The following CADM2 variants were observed in gnomAD, a reference collection of about 807,000 sequenced individuals.
CADM2 encodes the protein immunoglobulin superfamily member 4D.
CADM2 carries 12 observed loss-of-function variants against 49.8 expected under a neutral mutation model. The observed-to-expected ratio is 0.24, with a 90% confidence interval of 0.15 to 0.39. The LOEUF is 0.39. CADM2 is among the 10% of genes least tolerant of loss of function. The pLI is 1.00. For synonymous variants in CADM2, 214 were observed against 175.4 expected, an observed-to-expected ratio of 1.22 and a Z score of -1.74; for missense variants, 378 against 492.3, an observed-to-expected ratio of 0.77 and a Z score of 2.20.
At chr3:85,362,481 A>G (rs2107283894) in intron 1 of CADM2, among the ~76,000 whole-genome samples, 1 of 152,322 alleles carries the variant, frequency 6.6e-6, no homozygotes, top group African/African-American at 2.4e-5. Flanking sequence ...CAGGTGCTAT[A>G]TAAACACATC....
intron 1 of CADM2, among the ~76,000 whole-genome samples, chr3:85,415,943 T>A (rs1263489916): frequency 3.3e-5 from 5 of 152,170 alleles, no homozygotes; most frequent in Admixed American, 3.3e-4. Context: ...ACTGTGACAT[T>A]TCATGGTAGA....
chr3:85,525,052 C>G (rs927610357), intron 1 of CADM2, among the ~76,000 whole-genome samples: 1 of 152,036 alleles, frequency 6.6e-6, no homozygotes, highest in African/African-American at 2.4e-5. Flanking sequence ...AAATACATAA[C>G]GTAGATGACA....
intron 2 of CADM2, among the ~76,000 whole-genome samples, chr3:85,782,630 TG>T (rs1369287877): frequency 6.9e-6 from 1 of 143,972 alleles, no homozygotes; most frequent in Non-Finnish European, 1.5e-5. Context: ...TACTCCAGCC[TG>T]GGCGACAGAA....
At chr3:85,012,611 GAT>G (rs1464319200) in intron 1 of CADM2, among the ~76,000 whole-genome samples, 1 of 150,518 alleles carries the variant, frequency 6.6e-6, no homozygotes, top group East Asian at 1.9e-4. Context: ...TCAGTAATAA[GAT>G]AACACATAAC....
chr3:85,214,312 C>T (rs564568188), intron 1 of CADM2, among the ~76,000 whole-genome samples: 1 of 152,250 alleles, frequency 6.6e-6, no homozygotes, highest in Admixed American at 6.5e-5. Context: ...CTTTGCTGAG[C>T]TGCCTAGAGC....
chr3:85,627,462 G>A (rs2064161939), intron 1 of CADM2, among the ~76,000 whole-genome samples: 1 of 151,956 alleles, frequency 6.6e-6, no homozygotes, highest in Non-Finnish European at 1.5e-5. Context: ...GTATGTAAAA[G>A]TGATACATTC....
At position 85,488,345 on chromosome 3, in the gene CADM2, G is replaced by A. The variant is rs2039516719; in HGVS notation, c.62-238177G>A. 2.0e-5 allele frequency among the ~76,000 whole-genome samples: 3 copies of A among 152,092 alleles called. No homozygotes were observed. The South Asian group carries it at 6.2e-4, about 32-fold the overall frequency. On this transcript the variant is annotated intron_variant, in intron 1 of 9. Transcript: ENST00000383699. ...ATGTTTAATTATATTTAAAAATCTA[G>A]GTTACAGATTTGATATTTTTAAAAA...
chr3:85,830,457 T>G (rs747369765), intron 3 of CADM2, among the ~76,000 whole-genome samples: 4 of 152,034 alleles, frequency 2.6e-5, no homozygotes, highest in Non-Finnish European at 5.9e-5. Context: ...TCAAATAGTT[T>G]CTACCATCCC....
At chr3:85,312,467 A>G (rs1313327701) in intron 1 of CADM2, among the ~76,000 whole-genome samples, 3 of 152,072 alleles carry the variant, frequency 2.0e-5, no homozygotes, top group Non-Finnish European at 4.4e-5. Flanking sequence ...ATTCAGTGTA[A>G]TAAGTATATG....
At chr3:85,611,662 C>A (rs2063686108) in intron 1 of CADM2, among the ~76,000 whole-genome samples, 1 of 151,206 alleles carries the variant, frequency 6.6e-6, no homozygotes, top group Non-Finnish European at 1.5e-5. Flanking sequence ...ACCCACTGTC[C>A]CTGAACTATT....
chr3:85,445,322 A>G (rs1157608513), intron 1 of CADM2, among the ~76,000 whole-genome samples: 3 of 152,076 alleles, frequency 2.0e-5, no homozygotes, highest in Non-Finnish European at 2.9e-5. Flanking sequence ...TATGCAGTAC[A>G]TAGTCATGAA....
intron 1 of CADM2, among the ~76,000 whole-genome samples, chr3:85,234,041 A>G (rs997367598): frequency 1.8e-4 from 28 of 152,102 alleles, no homozygotes; most frequent in African/African-American, 6.3e-4. Context: ...AATTCTCAAA[A>G]TATGTCACTT....
intron 5 of CADM2, among the ~76,000 whole-genome samples, chr3:85,897,621 C>A (rs576393683): frequency 5.3e-5 from 8 of 152,012 alleles, no homozygotes; most frequent in Non-Finnish European, 8.8e-5. Flanking sequence ...TTTTTTATTT[C>A]TTTATTTCTT....
intron 1 of CADM2, among the ~76,000 whole-genome samples, chr3:85,236,749 A>G (rs2042415942): frequency 1.3e-5 from 2 of 152,096 alleles, no homozygotes; most frequent in Admixed American, 1.3e-4. Context: ...AATGGATTTC[A>G]AAGTATTAAT....
chr3:84,961,510 A>G (rs1416250595), intron 1 of CADM2, among the ~76,000 whole-genome samples: 1 of 151,688 alleles, frequency 6.6e-6, no homozygotes, highest in Non-Finnish European at 1.5e-5. Flanking sequence ...CACACAAGTA[A>G]CCCGGGTGTC....
At position 85,301,213 on chromosome 3, in the gene CADM2, A is replaced by T. The variant is rs2044092044; in HGVS notation, c.61+341545A>T. On this transcript the variant is annotated intron_variant, in intron 1 of 9. Transcript: ENST00000383699. ...TCCTCCTCAGACTGGGAGCTGATGC[A>T]GACATAGCCCTTGCCATTCTTGCCA... Among the ~76,000 whole-genome samples the T allele has an allele frequency of 5.9e-5, 9 of 152,078 alleles. No homozygotes were observed. The South Asian group carries it at 1.9e-3, about 31-fold the overall frequency.
At chr3:85,595,409 A>G (rs1559932452) in intron 1 of CADM2, among the ~76,000 whole-genome samples, 1 of 152,076 alleles carries the variant, frequency 6.6e-6, no homozygotes. Context: ...TCACAGAACT[A>G]TATTTGAATG....
At chr3:85,572,789 G>A (rs561328419) in intron 1 of CADM2, among the ~76,000 whole-genome samples, 1 of 152,130 alleles carries the variant, frequency 6.6e-6, no homozygotes, top group South Asian at 2.1e-4. Flanking sequence ...TTTTCTTTTT[G>A]TTCTCTCTGA....
chr3:86,067,508 A>T lies in CADM2; in HGVS notation c.*725A>T, dbSNP rs1430329622. On this transcript the variant is annotated 3_prime_UTR_variant, in exon 10 of 10. Coordinates refer to ENST00000383699, the MANE Select transcript of CADM2 (RefSeq NM_001167675.2). ...TTGTAGCTTCATTTACCAATAAATT[A>T]TTCCAAATGATTTACTGCTTTTGGA... The T allele has an allele frequency of 6.6e-6, 1 of 152,538 alleles. No individual in the cohort carries two copies. Among genetic ancestry groups the T allele is most frequent in the African/African-American group, 2.4e-5 (1 of 41,456 alleles). The allele number at this position is 152,538 out of a possible 1,614,324, so 9.4% of individuals were successfully genotyped here. A position where few individuals can be genotyped will look rare whatever the true frequency, so the allele number is the denominator to read the frequency against.
Sources: gnomAD v4.1 joint callset for allele counts (sites outside exome capture counted in the v4.1 genomes callset) on GRCh38, gnomAD v4.1.1 for gene constraint, MANE v1.5 for transcripts, NCBI Gene and HGNC (gene_info 2026-07-23, HGNC 2026-07-21) for gene names.